Variants in PRIM2 observed in about 807,000 individuals in gnomAD.
The protein encoded by PRIM2 is DNA primase large subunit.
Under a neutral mutation model 67.3 loss-of-function variants are expected in PRIM2, and 39 were observed. The observed-to-expected ratio is 0.58, with a 90% CI of 0.45 to 0.76. The LOEUF is 0.76. Among genes scored for constraint, PRIM2 ranks in the 30% least tolerant of loss-of-function variants. The pLI, the probability that PRIM2 is intolerant of heterozygous loss-of-function variation, is 0.00. For missense variants in PRIM2, 398 were observed against 598.7 expected (o/e 0.66, Z 3.50); for synonymous variants, 143 against 198.7 (o/e 0.72, Z 2.36).
At chr6:57,645,305 T>C (rs1253932663) in intron 13 of PRIM2, among the ~76,000 whole-genome samples, 2 of 141,812 alleles carry the variant, frequency 1.4e-5, no homozygotes, top group Admixed American at 7.2e-5. Flanking sequence ...TGTGCCTCAC[T>C]AACATACAAT....
chr6:57,300,942 T>A, the PRIM2 span, among the ~76,000 whole-genome samples: 8 of 152,288 alleles, frequency 5.3e-5, no homozygotes, highest in Non-Finnish European at 1.0e-4. Context: ...TTTGGAGAAA[T>A]AGGTAACTGA....
rs1229131006 is a variant in PRIM2, at chr6:57,644,936, G to A, written c.1300-992G>A. On this transcript the variant is annotated intron_variant, in intron 13 of 13. Coordinates refer to ENST00000615550, the MANE Select transcript of PRIM2 (RefSeq NM_000947.5). ...ATTTGAAATGATACTCAAAATTAAA[G>A]TTTAATGATAGTATTTGAGAAAAAA... Among the ~76,000 whole-genome samples, 670 of 152,288 alleles carry A rather than the reference G, an allele frequency of 4.4e-3. 3 individuals are homozygous for A. Among genetic ancestry groups the A allele is most frequent in the African/African-American group, 0.016 (648 of 41,554 alleles).
At chr6:57,291,343 A>G in the PRIM2 span, among the ~76,000 whole-genome samples, 1 of 152,222 alleles carries the variant, frequency 6.6e-6, no homozygotes, top group African/African-American at 2.4e-5. Context: ...TCTGAAATTG[A>G]AGCAATAATT....
chr6:57,350,750 T>C (rs1768834016), intron 5 of PRIM2, among the ~76,000 whole-genome samples: 1 of 152,126 alleles, frequency 6.6e-6, no homozygotes, highest in South Asian at 2.1e-4. Context: ...AACACAGACA[T>C]AGGCCCATCA....
chr6:57,585,213 C>T (rs1263697013), intron 10 of PRIM2, among the ~76,000 whole-genome samples: 1 of 152,146 alleles, frequency 6.6e-6, no homozygotes, highest in Non-Finnish European at 1.5e-5. Flanking sequence ...AAACAACACA[C>T]CGGGTTTGAC....
At position 57,414,542 on chromosome 6, in the gene PRIM2, T is replaced by A. The variant is rs1470581166; in HGVS notation, c.693+32374T>A. Among the ~76,000 whole-genome samples, 5 of 152,256 alleles carry A rather than the reference T, an allele frequency of 3.3e-5. No individual in the cohort carries two copies. In the East Asian group the frequency reaches 9.6e-4, roughly 29 times the overall value. On this transcript the variant is annotated intron_variant, in intron 7 of 13. Coordinates refer to ENST00000615550, the MANE Select transcript of PRIM2 (RefSeq NM_000947.5). ...CTTGTTAATATTGTTTTCACTGGAATCTTATTAATCTTAGGAATTTTTATG... is the reference window on the plus strand; with the variant it reads ...CTTGTTAATATTGTTTTCACTGGAAACTTATTAATCTTAGGAATTTTTATG...
chr6:57,316,048 A>G (rs2127264716), upstream of PRIM2, among the ~76,000 whole-genome samples: 1 of 152,314 alleles, frequency 6.6e-6, no homozygotes, highest in African/African-American at 2.4e-5. Flanking sequence ...GTGTAGTGAG[A>G]TCGTTAGCAC....
chr6:57,252,397 C>T, the PRIM2 span, among the ~76,000 whole-genome samples: 6 of 152,184 alleles, frequency 3.9e-5, no homozygotes, highest in Non-Finnish European at 8.8e-5. Flanking sequence ...CACAGCTAAT[C>T]TAATTCTGGA....
At chr6:57,250,465 T>C in the PRIM2 span, among the ~76,000 whole-genome samples, 1 of 152,280 alleles carries the variant, frequency 6.6e-6, no homozygotes, top group Admixed American at 6.5e-5. Flanking sequence ...TATATAAGAT[T>C]ACAAATTAAG....
chr6:57,338,033 C>G (rs541248822), intron 5 of PRIM2, among the ~76,000 whole-genome samples: 216 of 152,052 alleles, frequency 1.4e-3, no homozygotes, highest in African/African-American at 4.9e-3. Flanking sequence ...GATATCACCA[C>G]TGATCCCACA....
intron 10 of PRIM2, among the ~76,000 whole-genome samples, chr6:57,586,783 C>T (rs1206346773): frequency 6.6e-6 from 1 of 152,106 alleles, no homozygotes; most frequent in Non-Finnish European, 1.5e-5. Context: ...GATGAATAGT[C>T]TTGCTAACAG....
intron 8 of PRIM2, among the ~76,000 whole-genome samples, chr6:57,514,807 A>G (rs1207102819): frequency 2.5e-4 from 38 of 152,272 alleles, no homozygotes; most frequent in African/African-American, 8.9e-4. Context: ...CCTTAACTCA[A>G]GAAGCTTATA....
intron 7 of PRIM2, among the ~76,000 whole-genome samples, chr6:57,421,718 A>G (rs768805926): frequency 6.6e-6 from 1 of 152,244 alleles, no homozygotes; most frequent in Non-Finnish European, 1.5e-5. Context: ...TTATGTTGCC[A>G]AATGAGAAGC....
chr6:57,318,784 C>G (rs985963501), intron 2 of PRIM2, 185 bp downstream of exon 2: 1 of 171,292 alleles, frequency 5.8e-6, no homozygotes, highest in Non-Finnish European at 1.2e-5. Flanking sequence ...GGTACTCATT[C>G]ATTTATTTAT....
intron 10 of PRIM2, among the ~76,000 whole-genome samples, chr6:57,559,256 A>C (rs1775581263): frequency 6.6e-6 from 1 of 152,146 alleles, no homozygotes; most frequent in African/African-American, 2.4e-5. Flanking sequence ...GCATGCTTAA[A>C]GTGTCTAAGT....
At chr6:57,442,079 G>A (rs1772219104) in intron 7 of PRIM2, among the ~76,000 whole-genome samples, 1 of 152,156 alleles carries the variant, frequency 6.6e-6, no homozygotes. Flanking sequence ...GATTTGGCAA[G>A]AAAGTTTTAC....
intron 7 of PRIM2, among the ~76,000 whole-genome samples, chr6:57,410,396 C>G (rs1771049875): frequency 6.6e-6 from 1 of 150,924 alleles, no homozygotes; most frequent in African/African-American, 2.4e-5. Context: ...ATTGGATTCC[C>G]CATTTTTCAC....
At chr6:57,439,354 C>G (rs1010965112) in intron 7 of PRIM2, among the ~76,000 whole-genome samples, 5 of 143,608 alleles carry the variant, frequency 3.5e-5, no homozygotes. Flanking sequence ...ACTACCTTTG[C>G]TCTGTGTTGA....
intron 3 of PRIM2, among the ~76,000 whole-genome samples, chr6:57,323,427 TAA>T (rs1767729249): frequency 6.6e-6 from 1 of 151,852 alleles, no homozygotes; most frequent in Admixed American, 6.6e-5. Flanking sequence ...AGAAGAAAAT[TAA>T]AAGAGAGGGG....
Sources: allele counts gnomAD v4.1 joint callset (sites outside exome capture counted in the v4.1 genomes callset), GRCh38; gene constraint gnomAD v4.1.1; transcripts MANE v1.5; gene names NCBI Gene and HGNC (gene_info 2026-07-23, HGNC 2026-07-21).